The following PALM2AKAP2 variants were observed in gnomAD, a reference collection of about 807,000 sequenced individuals.
The protein encoded by PALM2AKAP2 is PALM2-AKAP2 fusion protein.
A neutral mutation model predicts 71.5 loss-of-function variants in PALM2AKAP2; 37 were observed. That is an observed-to-expected ratio of 0.52 (90% confidence interval 0.40 to 0.68). The LOEUF is 0.68. PALM2AKAP2 is among the 30% of genes least tolerant of loss of function. PALM2AKAP2 has a pLI of 0.00. For missense variants in PALM2AKAP2, 1,224 were observed against 1,191.8 expected (o/e 1.03, Z -0.40); for synonymous variants, 468 against 478.8 (o/e 0.98, Z 0.29).
At chr9:109,991,037 T>C (rs1832471999) in intron 6 of PALM2AKAP2, among the ~76,000 whole-genome samples, 2 of 152,128 alleles carry the variant, frequency 1.3e-5, no homozygotes, top group South Asian at 4.2e-4. Context: ...CCCTTACCTC[T>C]GTTTCTGACT....
chr9:109,994,599 C>A (rs62580191), intron 6 of PALM2AKAP2, among the ~76,000 whole-genome samples: 9,004 of 152,230 alleles, frequency 0.059, 429 homozygotes, highest in African/African-American at 0.12. Flanking sequence ...AAACAGCCTG[C>A]CAAGAGCATT....
At chr9:109,692,337 A>G (rs1827910955) in intron 1 of PALM2AKAP2, among the ~76,000 whole-genome samples, 1 of 151,954 alleles carries the variant, frequency 6.6e-6, no homozygotes, top group South Asian at 2.1e-4. Context: ...AGTTCTAATA[A>G]GGTTTGGGTT....
chr9:109,879,179 G>C (rs908414805), intron 2 of PALM2AKAP2, among the ~76,000 whole-genome samples: 10 of 152,234 alleles, frequency 6.6e-5, no homozygotes, highest in African/African-American at 2.4e-4. Flanking sequence ...CTGGCTCTCA[G>C]TCTTTAGAAG....
intron 1 of PALM2AKAP2, among the ~76,000 whole-genome samples, chr9:109,845,223 CT>C (rs1564176765): frequency 6.6e-6 from 1 of 152,230 alleles, no homozygotes; most frequent in Admixed American, 6.5e-5. Context: ...TGCTTTGTTT[CT>C]CACCATGTGC....
chr9:109,791,656 G>A (rs1258833011), intron 1 of PALM2AKAP2, among the ~76,000 whole-genome samples: 4 of 152,182 alleles, frequency 2.6e-5, no homozygotes, highest in African/African-American at 4.8e-5. Flanking sequence ...ATGTTAGGGG[G>A]GTGAGATCTC....
chr9:110,156,353 C>A (rs768977921), exon 3 of PALM2AKAP2: 4 of 1,605,220 alleles, frequency 2.5e-6, no homozygotes, highest in Non-Finnish European at 3.4e-6. Context: ...CTCCATCCCC[C>A]ACCACTGAAG....
chr9:109,886,563 T>G (rs1829971777), intron 3 of PALM2AKAP2, among the ~76,000 whole-genome samples: 1 of 152,204 alleles, frequency 6.6e-6, no homozygotes, highest in African/African-American at 2.4e-5. Context: ...GAAAATGGGA[T>G]GAGCTGTCAC....
chr9:109,795,443 G>A (rs980453289), intron 1 of PALM2AKAP2, among the ~76,000 whole-genome samples: 15 of 152,048 alleles, frequency 9.9e-5, no homozygotes, highest in Admixed American at 6.5e-5. Context: ...TAACCTGCAC[G>A]TTGTGCACGT....
At position 109,931,936 on chromosome 9, in the gene PALM2AKAP2, A is replaced by G. The variant is rs774206740; in HGVS notation, c.404A>G (p.Asn135Ser). ...TGTTCTCTGCTACCAGATGCAGTAA[A>G]TTACATTTCCTCCCAGCTTCCCGAC... The change falls in exon 6 of 10, where the codon AAT becomes AGT. Residue 135 changes from asparagine (N) to serine (S), a missense_variant. Physicochemically the swap from Asn to Ser is conservative, Grantham distance 46. Coordinates refer to the PALM2AKAP2 transcript ENST00000302798. 1.9e-6 allele frequency: 3 copies of G among 1,613,994 alleles called. No homozygotes were observed. The South Asian group carries it at 3.3e-5, about 18-fold the overall frequency.
intron 1 of PALM2AKAP2, among the ~76,000 whole-genome samples, chr9:109,685,023 T>C (rs911456984): frequency 1.3e-5 from 2 of 152,198 alleles, no homozygotes; most frequent in Admixed American, 1.3e-4. Context: ...TAAAGGATTA[T>C]ACTAAGTAGA....
intron 1 of PALM2AKAP2, among the ~76,000 whole-genome samples, chr9:109,650,004 A>G (rs1827204122): frequency 6.6e-6 from 1 of 152,200 alleles, no homozygotes; most frequent in South Asian, 2.1e-4. Flanking sequence ...ATCGACTACA[A>G]AGGTAATTGC....
intron 1 of PALM2AKAP2, among the ~76,000 whole-genome samples, chr9:110,057,333 G>A (rs989876597): frequency 1.3e-5 from 2 of 149,764 alleles, no homozygotes; most frequent in African/African-American, 4.9e-5. Context: ...GCTACATAAT[G>A]TCAGGTCAGT....
chr9:110,108,632 A>T (rs1463329025), intron 1 of PALM2AKAP2, among the ~76,000 whole-genome samples: 1 of 152,156 alleles, frequency 6.6e-6, no homozygotes, highest in Non-Finnish European at 1.5e-5. Flanking sequence ...TGTTTCAAAA[A>T]TCGTGACCCA....
At chr9:109,743,313 T>C (rs1885506) in intron 1 of PALM2AKAP2, among the ~76,000 whole-genome samples, 6,485 of 152,270 alleles carry the variant, frequency 0.043, 189 homozygotes, top group Non-Finnish European at 0.053. Flanking sequence ...TTGTAGCTTT[T>C]CATGCACAGG....
intron 1 of PALM2AKAP2, among the ~76,000 whole-genome samples, chr9:109,714,147 A>G (rs978411229): frequency 3.3e-5 from 5 of 152,260 alleles, no homozygotes; most frequent in African/African-American, 1.2e-4. Flanking sequence ...GTCAAAAACC[A>G]AATTAGTCAC....
chr9:109,820,589 G>A (rs1465080784), intron 1 of PALM2AKAP2, among the ~76,000 whole-genome samples: 3 of 152,190 alleles, frequency 2.0e-5, no homozygotes, highest in Non-Finnish European at 4.4e-5. Context: ...GATGCCACCA[G>A]CTCCAGTCAC....
intron 6 of PALM2AKAP2, among the ~76,000 whole-genome samples, chr9:110,004,893 G>C: frequency 6.6e-6 from 1 of 152,132 alleles, no homozygotes; most frequent in Non-Finnish European, 1.5e-5. Flanking sequence ...GTCCTTTAAG[G>C]ACTTCTTTGC....
At chr9:109,867,460 CTCT>C (rs768216887) in intron 1 of PALM2AKAP2, 28 bp from the exon 2 acceptor site, 2 of 1,608,334 alleles carry the variant, frequency 1.2e-6, no homozygotes, top group Non-Finnish European at 1.7e-6. Flanking sequence ...CACCCACCCA[CTCT>C]TACAGCCTCT....
intron 6 of PALM2AKAP2, among the ~76,000 whole-genome samples, chr9:109,949,742 G>T (rs1476266741): frequency 6.6e-6 from 1 of 152,172 alleles, no homozygotes; most frequent in Non-Finnish European, 1.5e-5. Context: ...TAGATAGATG[G>T]CTTGATAGCT....
Sources: allele counts gnomAD v4.1 joint callset (sites outside exome capture counted in the v4.1 genomes callset), GRCh38; gene constraint gnomAD v4.1.1; transcripts MANE v1.5; gene names NCBI Gene and HGNC (gene_info 2026-07-23, HGNC 2026-07-21).